The following GLCE variants were observed in gnomAD, a reference collection of about 807,000 sequenced individuals.
GLCE encodes the protein glucuronic acid epimerase, also known as D-glucuronyl C5-epimerase.
GLCE carries 19 observed loss-of-function variants against 47.9 expected under a neutral mutation model. The ratio of observed to expected loss-of-function variants is 0.40; its 90% confidence interval spans 0.28 to 0.58. GLCE has a LOEUF of 0.58. Among genes scored for constraint, GLCE ranks in the 20% least tolerant of loss-of-function variants. GLCE has a pLI of 0.48. For missense variants in GLCE, 556 were observed against 743.3 expected, an observed-to-expected ratio of 0.75 and a Z score of 2.93; for synonymous variants, 245 against 263.4, an observed-to-expected ratio of 0.93 and a Z score of 0.68.
At chr15:69,178,210 T>C (rs1181077512) in intron 1 of GLCE, among the ~76,000 whole-genome samples, 2 of 152,172 alleles carry the variant, frequency 1.3e-5, no homozygotes, top group Non-Finnish European at 2.9e-5. Context: ...AGAGATCTTG[T>C]AGCTCGGTAA....
chr15:69,254,094 G>C (rs1437989417), intron 2 of GLCE, among the ~76,000 whole-genome samples: 1 of 152,076 alleles, frequency 6.6e-6, no homozygotes, highest in African/African-American at 2.4e-5. Flanking sequence ...TATCATTGCT[G>C]CCAAAAGGGT....
intron 2 of GLCE, among the ~76,000 whole-genome samples, chr15:69,212,330 G>A (rs1231473410): frequency 6.6e-6 from 1 of 151,724 alleles, no homozygotes; most frequent in Non-Finnish European, 1.5e-5. Context: ...CCTGATTTGT[G>A]TTCTAGTTGT....
At chr15:69,202,402 T>A (rs1313847364) in intron 1 of GLCE, among the ~76,000 whole-genome samples, 3 of 152,150 alleles carry the variant, frequency 2.0e-5, no homozygotes, top group Non-Finnish European at 4.4e-5. Context: ...TGGAAGAGAT[T>A]TACTATCTGT....
chr15:69,215,539 GGTGTGTGTGTGT>G (rs57115250), intron 2 of GLCE, among the ~76,000 whole-genome samples: 7 of 149,016 alleles, frequency 4.7e-5, no homozygotes. Flanking sequence ...TTACATAAAG[GGTGTGTGTGTGT>G]GTGTGTGTGT....
intron 2 of GLCE, among the ~76,000 whole-genome samples, chr15:69,246,381 A>G (rs1251579528): frequency 6.6e-6 from 1 of 152,184 alleles, no homozygotes; most frequent in Non-Finnish European, 1.5e-5. Flanking sequence ...ATCACCATCT[A>G]TGGCCAGCTA....
chr15:69,227,668 G>A (rs188932947), intron 2 of GLCE, among the ~76,000 whole-genome samples: 30 of 152,286 alleles, frequency 2.0e-4, no homozygotes, highest in East Asian at 1.2e-3. Flanking sequence ...GGGCATATAT[G>A]CTGACCTTAT....
intron 4 of GLCE, among the ~76,000 whole-genome samples, chr15:69,265,364 A>G (rs1042941535): frequency 6.6e-6 from 1 of 152,138 alleles, no homozygotes; most frequent in Non-Finnish European, 1.5e-5. Flanking sequence ...ACTGGTTTCC[A>G]CCATCCCATT....
chr15:69,247,552 AT>A (rs909652713), intron 2 of GLCE, among the ~76,000 whole-genome samples: 15 of 152,176 alleles, frequency 9.9e-5, no homozygotes, highest in Non-Finnish European at 5.9e-5. Context: ...GAACTTTTCC[AT>A]TGCTATCACA....
intron 1 of GLCE, among the ~76,000 whole-genome samples, chr15:69,166,830 A>C (rs909648420): frequency 1.5e-5 from 2 of 134,146 alleles, no homozygotes; most frequent in Admixed American, 7.6e-5. Flanking sequence ...TGAGGCAGGA[A>C]AATTGCTTGA....
chr15:69,267,247 G>A (rs530686668), intron 4 of GLCE, among the ~76,000 whole-genome samples: 7 of 152,194 alleles, frequency 4.6e-5, no homozygotes, highest in Admixed American at 6.5e-5. Flanking sequence ...CAGTGGCTTC[G>A]GAATAATAAC....
intron 1 of GLCE, among the ~76,000 whole-genome samples, chr15:69,174,575 A>G (rs2051633097): frequency 6.6e-6 from 1 of 152,224 alleles, no homozygotes; most frequent in African/African-American, 2.4e-5. Context: ...GCACCAGTGT[A>G]TTCCAGCCTG....
intron 2 of GLCE, among the ~76,000 whole-genome samples, chr15:69,241,356 A>G (rs1482223786): frequency 6.6e-6 from 1 of 152,312 alleles, no homozygotes; most frequent in African/African-American, 2.4e-5. Context: ...CTACCCTTCT[A>G]AAAGAATTAT....
At chr15:69,218,839 G>A (rs1456328947) in intron 2 of GLCE, among the ~76,000 whole-genome samples, 2 of 152,104 alleles carry the variant, frequency 1.3e-5, no homozygotes, top group Non-Finnish European at 2.9e-5. Context: ...GCACATATCT[G>A]CATTGCTGTT....
chr15:69,192,932 T>C (rs566425086), intron 1 of GLCE, among the ~76,000 whole-genome samples: 1 of 152,140 alleles, frequency 6.6e-6, no homozygotes, highest in Non-Finnish European at 1.5e-5. Flanking sequence ...ATTTTCTTTT[T>C]CTAAAGGTTG....
intron 1 of GLCE, among the ~76,000 whole-genome samples, chr15:69,184,298 G>A (rs2051791815): frequency 6.6e-6 from 1 of 152,100 alleles, no homozygotes; most frequent in Non-Finnish European, 1.5e-5. Flanking sequence ...GCGGAATAAT[G>A]ACATCTCTCC....
rs1276648440 is a variant in GLCE at position 69,270,353 on chromosome 15, A to G, written c.*1109A>G. The G allele has an allele frequency of 6.6e-6, 1 of 151,992 alleles. No individual in the cohort carries two copies. The highest frequency in any genetic ancestry group is 1.5e-5 in the Non-Finnish European group (1 of 67,988). 9.4% of individuals were successfully genotyped at this position (151,992 alleles called of 1,614,324 possible). A position where few individuals can be genotyped will look rare whatever the true frequency, so the allele number is the denominator to read the frequency against. ...AATTTAATTTTAAATTATCCCAGCT[A>G]TTAGATAGAAGGGATGTTACTGCAC... On this transcript the variant is annotated 3_prime_UTR_variant, in exon 5 of 5. Transcript: ENST00000261858.
intron 1 of GLCE, among the ~76,000 whole-genome samples, chr15:69,195,548 T>G (rs1202623365): frequency 6.6e-6 from 1 of 152,174 alleles, no homozygotes; most frequent in Admixed American, 6.5e-5. Context: ...ACATATTGTA[T>G]GTGGATTGTC....
At chr15:69,193,151 T>C (rs767006178) in intron 1 of GLCE, among the ~76,000 whole-genome samples, 1 of 151,616 alleles carries the variant, frequency 6.6e-6, no homozygotes, top group East Asian at 2.0e-4. Flanking sequence ...AATTCAGCAA[T>C]GTTCCTAGGT....
At chr15:69,236,369 G>A (rs2052594422) in intron 2 of GLCE, among the ~76,000 whole-genome samples, 1 of 152,288 alleles carries the variant, frequency 6.6e-6, no homozygotes. Context: ...TGAGCCCTTT[G>A]TTAGAAATTG....
Sources: allele counts gnomAD v4.1 joint callset (sites outside exome capture counted in the v4.1 genomes callset), GRCh38; gene constraint gnomAD v4.1.1; transcripts MANE v1.5; gene names NCBI Gene and HGNC (gene_info 2026-07-23, HGNC 2026-07-21).